The following BCKDHB variants were observed in gnomAD, a reference collection of about 807,000 sequenced individuals.
BCKDHB encodes 2-oxoisovalerate dehydrogenase subunit beta, mitochondrial.
In BCKDHB, 41 loss-of-function variants were observed where a neutral mutation model predicts 48.5. The ratio of observed to expected loss-of-function variants is 0.85; its 90% CI spans 0.66 to 1.10. The LOEUF (loss-of-function observed/expected upper bound fraction) is 1.10, where lower values mean the gene tolerates loss of function less well. Ranked by LOEUF, BCKDHB falls within the 50% of genes least tolerant of loss-of-function variation. BCKDHB has a pLI of 0.00. For synonymous variants in BCKDHB, 201 were observed against 174.8 expected (o/e 1.15, Z -1.18); for missense variants, 496 against 494.2 (o/e 1.00, Z -0.03).
At chr6:80,435,499 A>G in the BCKDHB span, among the ~76,000 whole-genome samples, 10 of 152,164 alleles carry the variant, frequency 6.6e-5, no homozygotes, top group Non-Finnish European at 1.5e-4. Flanking sequence ...GCAACATTCT[A>G]GTCTTAGTTT....
chr6:80,271,389 A>G (rs1777735214), intron 8 of BCKDHB, among the ~76,000 whole-genome samples: 1 of 152,006 alleles, frequency 6.6e-6, no homozygotes, highest in Admixed American at 6.6e-5. Context: ...TGTTGAATCA[A>G]CCTCAAATGT....
the BCKDHB span, chr6:80,440,617 A>AT: frequency 0.017 from 2,335 of 135,834 alleles, 23 homozygotes; most frequent in East Asian, 0.04. Context: ...AGCTTGGTAC[A>AT]TTTTTTTTTT....
chr6:80,394,248 A>G, the BCKDHB span, among the ~76,000 whole-genome samples: 13 of 151,896 alleles, frequency 8.6e-5, no homozygotes, highest in East Asian at 1.9e-3. Flanking sequence ...CAATCTCTTT[A>G]TTTGTTCTAC....
intron 8 of BCKDHB, among the ~76,000 whole-genome samples, chr6:80,221,482 C>G (rs1167891945): frequency 6.6e-6 from 1 of 151,954 alleles, no homozygotes; most frequent in African/African-American, 2.4e-5. Context: ...ATTTGTGTAT[C>G]TTAGTCTGTG....
chr6:80,169,877 G>A (rs1359732173), intron 5 of BCKDHB: 1 of 1,597,906 alleles, frequency 6.3e-7, no homozygotes, highest in African/African-American at 1.3e-5. Context: ...GCTAGAAGTT[G>A]TAGACTGGGA....
chr6:80,308,755 C>T lies in BCKDHB; in HGVS notation c.1039-34909C>T, dbSNP rs944752997. Among the ~76,000 whole-genome samples the T allele has an allele frequency of 5.9e-5, 9 of 151,514 alleles. No homozygotes were observed. In the South Asian group the frequency reaches 6.3e-4, roughly 11 times the overall value. Reference sequence around the variant, plus strand: ...GACTACAGGCGCCCGCCACCACGCCCGGCTAATTTTTTTGTATTTTTAGTA... The same window carrying T: ...GACTACAGGCGCCCGCCACCACGCCTGGCTAATTTTTTTGTATTTTTAGTA... On this transcript the variant is annotated intron_variant, in intron 9 of 9. Coordinates refer to ENST00000320393, the MANE Select transcript of BCKDHB (RefSeq NM_183050.4).
chr6:80,248,917 TG>T (rs1776725223), intron 8 of BCKDHB, among the ~76,000 whole-genome samples: 2 of 151,610 alleles, frequency 1.3e-5, no homozygotes, highest in Non-Finnish European at 2.9e-5. Context: ...TGTGTGTGTG[TG>T]TGTGTGTGTG....
chr6:80,257,838 T>C (rs536200031), intron 8 of BCKDHB, among the ~76,000 whole-genome samples: 1 of 152,038 alleles, frequency 6.6e-6, no homozygotes. Flanking sequence ...GCCCAGCAAA[T>C]AGACGGGCAC....
intron 9 of BCKDHB, among the ~76,000 whole-genome samples, chr6:80,285,825 T>G (rs1015347223): frequency 7.9e-5 from 12 of 152,146 alleles, no homozygotes; most frequent in African/African-American, 1.2e-4. Flanking sequence ...AAATCTTTTT[T>G]TCCTCCCTTG....
chr6:80,433,503 C>T, the BCKDHB span, among the ~76,000 whole-genome samples: 8 of 152,206 alleles, frequency 5.3e-5, no homozygotes, highest in Non-Finnish European at 1.0e-4. Flanking sequence ...GCAGACACCC[C>T]TCCCCGCGCC....
At chr6:80,413,175 G>T in the BCKDHB span, among the ~76,000 whole-genome samples, 1 of 151,692 alleles carries the variant, frequency 6.6e-6, no homozygotes, top group Non-Finnish European at 1.5e-5. Flanking sequence ...AAATCCCGAG[G>T]GCTTTCTTTA....
chr6:80,315,464 C>T (rs1346471264), intron 9 of BCKDHB, among the ~76,000 whole-genome samples: 1 of 152,158 alleles, frequency 6.6e-6, no homozygotes, highest in African/African-American at 2.4e-5. Flanking sequence ...AGTTGTTTTC[C>T]TGATCAGTCC....
intron 9 of BCKDHB, among the ~76,000 whole-genome samples, chr6:80,321,531 C>T (rs904751058): frequency 6.6e-6 from 1 of 152,040 alleles, no homozygotes; most frequent in Non-Finnish European, 1.5e-5. Flanking sequence ...CTGATAAGGG[C>T]CCTATGTTCA....
chr6:80,266,478 A>G (rs1777518269), intron 8 of BCKDHB, among the ~76,000 whole-genome samples: 1 of 152,102 alleles, frequency 6.6e-6, no homozygotes. Context: ...AATGTCCTCT[A>G]GTCCAGTACA....
chr6:80,419,672 G>T, the BCKDHB span, among the ~76,000 whole-genome samples: 1 of 152,118 alleles, frequency 6.6e-6, no homozygotes, highest in East Asian at 1.9e-4. Context: ...GGTGTTTGAG[G>T]GGTCTCTTCC....
At chr6:80,361,701 C>G in the BCKDHB span, among the ~76,000 whole-genome samples, 3 of 152,180 alleles carry the variant, frequency 2.0e-5, no homozygotes, top group African/African-American at 7.2e-5. Flanking sequence ...ACACTGGTAG[C>G]TAACAAAGCA....
intron 8 of BCKDHB, among the ~76,000 whole-genome samples, chr6:80,247,703 T>TA (rs1188088824): frequency 6.6e-6 from 1 of 152,196 alleles, no homozygotes; most frequent in Non-Finnish European, 1.5e-5. Context: ...CTAAATTCAT[T>TA]ATTAGAGACT....
the BCKDHB span, among the ~76,000 whole-genome samples, chr6:80,457,777 T>C: frequency 0.89 from 136,186 of 152,190 alleles, 61,129 homozygotes; most frequent in East Asian, 0.95. Flanking sequence ...TATGGCTTCC[T>C]AGTGTATAGA....
At chr6:80,312,023 G>A (rs1464177390) in intron 9 of BCKDHB, among the ~76,000 whole-genome samples, 2 of 152,188 alleles carry the variant, frequency 1.3e-5, no homozygotes, top group African/African-American at 2.4e-5. Context: ...TGGGCAGAAT[G>A]GCCATTTTAA....
Sources: allele counts gnomAD v4.1 joint callset (sites outside exome capture counted in the v4.1 genomes callset), GRCh38; gene constraint gnomAD v4.1.1; transcripts MANE v1.5; gene names NCBI Gene and HGNC (gene_info 2026-07-23, HGNC 2026-07-21).